HS6ST3: variants seen among roughly 807,000 people sequenced by gnomAD.
HS6ST3 encodes the protein heparan-sulfate 6-O-sulfotransferase 3.
Under a neutral mutation model 36.7 loss-of-function variants are expected in HS6ST3, and 12 were observed. The observed-to-expected ratio is 0.33, with a 90% CI of 0.21 to 0.53. The LOEUF (loss-of-function observed/expected upper bound fraction) is 0.53. Among genes scored for constraint, HS6ST3 ranks in the 20% least tolerant of loss-of-function variants. The pLI is 0.95. For missense variants in HS6ST3, 584 were observed against 640.9 expected, an observed-to-expected ratio of 0.91 and a Z score of 0.96; for synonymous variants, 240 against 257.5, an observed-to-expected ratio of 0.93 and a Z score of 0.65.
At chr13:96,115,954 A>G (rs1302174477) in intron 1 of HS6ST3, among the ~76,000 whole-genome samples, 1 of 152,132 alleles carries the variant, frequency 6.6e-6, no homozygotes, top group Admixed American at 6.5e-5. Context: ...CTGGCATGAG[A>G]TGGTATCTCA....
At chr13:96,573,225 C>T (rs757582188) in intron 1 of HS6ST3, among the ~76,000 whole-genome samples, 17 of 152,130 alleles carry the variant, frequency 1.1e-4, no homozygotes, top group Non-Finnish European at 1.2e-4. Context: ...ATTTCCTGTG[C>T]GATATCTCCC....
At chr13:96,330,759 A>G (rs1489490760) in intron 1 of HS6ST3, among the ~76,000 whole-genome samples, 1 of 150,658 alleles carries the variant, frequency 6.6e-6, no homozygotes, top group Non-Finnish European at 1.5e-5. Flanking sequence ...GTTCTCCTGG[A>G]TAATATCCTG....
chr13:96,094,174 A>G (rs1451798107), intron 1 of HS6ST3, among the ~76,000 whole-genome samples: 1 of 152,110 alleles, frequency 6.6e-6, no homozygotes, highest in Non-Finnish European at 1.5e-5. Context: ...CAGTTTCTTC[A>G]CTTTTAAAGT....
intron 1 of HS6ST3, among the ~76,000 whole-genome samples, chr13:96,276,417 A>C (rs2054748779): frequency 6.6e-6 from 1 of 152,172 alleles, no homozygotes; most frequent in South Asian, 2.1e-4. Flanking sequence ...TTTTTGAGCA[A>C]GTCCCCAAAC....
rs767998739 is a variant in HS6ST3 at position 96,091,153 on chromosome 13, C to T, written c.291C>T (p.Asp97=). The T allele has an allele frequency of 5.9e-6, 9 of 1,535,278 alleles. No homozygotes were observed. The African/African-American group carries it at 1.2e-4, about 21-fold the overall frequency. ...AGGAGGAGGACGAGGAGCCCGGAGA[C>T]CCCCGGGAGGGGGAGGAAGAGGAGG... ...APEEEDEEPG[D]PREGEEEEEE... Residue 97 remains aspartate, a synonymous_variant, in exon 1 of 2, where the codon GAC becomes GAT. Transcript: ENST00000376705.
chr13:96,343,143 G>C (rs2055138342), intron 1 of HS6ST3, among the ~76,000 whole-genome samples: 1 of 152,180 alleles, frequency 6.6e-6, no homozygotes, highest in Non-Finnish European at 1.5e-5. Context: ...TTCTGCCAGA[G>C]CACTTGCTAT....
intron 1 of HS6ST3, among the ~76,000 whole-genome samples, chr13:96,506,265 T>C (rs1271468921): frequency 2.0e-5 from 3 of 152,126 alleles, no homozygotes; most frequent in Non-Finnish European, 4.4e-5. Context: ...TATTTTTCCA[T>C]TTGTCCTCAA....
intron 1 of HS6ST3, among the ~76,000 whole-genome samples, chr13:96,192,464 G>T (rs1002593465): frequency 6.6e-6 from 1 of 151,974 alleles, no homozygotes. Context: ...CGCTTTTGGG[G>T]TCCCCTGTGT....
At chr13:96,455,391 T>A (rs1319224019) in intron 1 of HS6ST3, among the ~76,000 whole-genome samples, 1 of 152,084 alleles carries the variant, frequency 6.6e-6, no homozygotes, top group Non-Finnish European at 1.5e-5. Flanking sequence ...AGCTACATTT[T>A]TTTTTTTTCT....
intron 1 of HS6ST3, among the ~76,000 whole-genome samples, chr13:96,287,759 T>A (rs2054810502): frequency 6.6e-6 from 1 of 152,184 alleles, no homozygotes; most frequent in Non-Finnish European, 1.5e-5. Flanking sequence ...TTAGCTTCTG[T>A]TTCTCCCATC....
chr13:96,676,280 G>A (rs909974064), intron 1 of HS6ST3, among the ~76,000 whole-genome samples: 1 of 152,128 alleles, frequency 6.6e-6, no homozygotes, highest in Admixed American at 6.6e-5. Flanking sequence ...TCTTCTCTCT[G>A]TGAGTCTAGA....
At chr13:96,179,250 A>G (rs2054227346) in intron 1 of HS6ST3, among the ~76,000 whole-genome samples, 1 of 152,236 alleles carries the variant, frequency 6.6e-6, no homozygotes, top group South Asian at 2.1e-4. Flanking sequence ...CCCATTTAAT[A>G]TAGGTTCTGT....
chr13:96,540,043 T>C (rs899367707), intron 1 of HS6ST3, among the ~76,000 whole-genome samples: 1 of 152,236 alleles, frequency 6.6e-6, no homozygotes, highest in Non-Finnish European at 1.5e-5. Context: ...GACAAGTGGA[T>C]AGTGGCTGCT....
chr13:96,731,652 G>T (rs979752483), intron 1 of HS6ST3, among the ~76,000 whole-genome samples: 8 of 151,546 alleles, frequency 5.3e-5, no homozygotes, highest in African/African-American at 1.9e-4. Flanking sequence ...TCAATTTTTA[G>T]TTTGTTTTGT....
chr13:96,300,795 G>A (rs998506364), intron 1 of HS6ST3, among the ~76,000 whole-genome samples: 3 of 152,104 alleles, frequency 2.0e-5, no homozygotes, highest in African/African-American at 7.2e-5. Context: ...TGATAAAAAT[G>A]TATAGTTTAA....
At chr13:96,608,058 A>G (rs2056445149) in intron 1 of HS6ST3, among the ~76,000 whole-genome samples, 1 of 152,164 alleles carries the variant, frequency 6.6e-6, no homozygotes, top group African/African-American at 2.4e-5. Context: ...AGTAATGATA[A>G]TTGCAGTAGA....
At chr13:96,663,747 A>G (rs572752439) in intron 1 of HS6ST3, among the ~76,000 whole-genome samples, 2 of 152,340 alleles carry the variant, frequency 1.3e-5, no homozygotes, top group African/African-American at 4.8e-5. Flanking sequence ...TCAAACGTCC[A>G]TCAATTTTAA....
chr13:96,545,153 G>A (rs2056193059), intron 1 of HS6ST3, among the ~76,000 whole-genome samples: 1 of 152,104 alleles, frequency 6.6e-6, no homozygotes, highest in Non-Finnish European at 1.5e-5. Flanking sequence ...GTCATGGTGG[G>A]TTCTATGTAT....
At position 96,090,117 on chromosome 13, in the gene HS6ST3, G is replaced by A. The variant is rs1224419273; in HGVS notation, c.-746G>A. On this transcript the variant is annotated 5_prime_UTR_variant, in exon 1 of 2. Transcript: ENST00000376705. ...AGCAGGGCTCCTGTCACACCGGCTG[G>A]CGGGTTGTGGCGGTGCCAGCCTGTG... Among the ~76,000 whole-genome samples the A allele has an allele frequency of 3.3e-5, 5 of 152,094 alleles. No individual in the cohort carries two copies. Among genetic ancestry groups the A allele is most frequent in the African/African-American group, 1.2e-4 (5 of 41,452 alleles).
Sources: allele counts gnomAD v4.1 joint callset (sites outside exome capture counted in the v4.1 genomes callset), GRCh38; gene constraint gnomAD v4.1.1; transcripts MANE v1.5; gene names NCBI Gene and HGNC (gene_info 2026-07-23, HGNC 2026-07-21).